VCL: variants seen among roughly 807,000 people sequenced by gnomAD.
VCL encodes vinculin, also known as epididymis luminal protein 114.
Under a neutral mutation model 125.7 loss-of-function variants are expected in VCL, and 47 were observed. The ratio of observed to expected loss-of-function variants is 0.37; its 90% confidence interval spans 0.30 to 0.48. The LOEUF is 0.48. Ranked by LOEUF, VCL falls within the 20% of genes least tolerant of loss-of-function variation. The pLI, the probability that VCL is intolerant of heterozygous loss-of-function variation, is 0.99. For missense variants in VCL, 1,069 were observed against 1,455.5 expected, an observed-to-expected ratio of 0.73 and a Z score of 4.32; for synonymous variants, 458 against 514.6, an observed-to-expected ratio of 0.89 and a Z score of 1.49.
At chr10:74,084,119 C>T (rs1839727685) in intron 8 of VCL, among the ~76,000 whole-genome samples, 1 of 152,154 alleles carries the variant, frequency 6.6e-6, no homozygotes, top group Admixed American at 6.5e-5. Context: ...CCCTCCTTGG[C>T]CTCCCAAAGT....
intron 1 of VCL, among the ~76,000 whole-genome samples, chr10:74,041,436 A>C (rs1450158467): frequency 2.0e-5 from 3 of 152,216 alleles, no homozygotes; most frequent in Non-Finnish European, 4.4e-5. Flanking sequence ...TTTTGAAGAA[A>C]GTGAATATGT....
chr10:74,054,892 G>T (rs1479372161), intron 2 of VCL, among the ~76,000 whole-genome samples: 1 of 152,016 alleles, frequency 6.6e-6, no homozygotes, highest in Non-Finnish European at 1.5e-5. Flanking sequence ...TTGCACTTCA[G>T]CCTGGGTGAC....
chr10:74,094,390 T>C lies in VCL; in HGVS notation c.1472T>C (p.Val491Ala), dbSNP rs1839933596. 3.1e-6 allele frequency: 5 copies of C among 1,614,144 alleles called. No homozygotes were observed. The highest frequency in any genetic ancestry group is 4.2e-6 in the Non-Finnish European group (5 of 1,180,014). ...AACAGCAGACCGGCCAAAGCAGCTG[T>C]ACACCTTGAGGGCAAGATTGAGCAA... ...VANSRPAKAA[V>A]HLEGKIEQAQ... is the part of the protein sequence containing the mutation. Residue 491 changes from valine (V) to alanine (A), a missense_variant, in exon 11 of 22, where the codon GTA becomes GCA. Around this residue, in one of 6 missense-constraint regions of VCL, gnomAD observed 760 missense variants for 928.9 expected, o/e 0.82. Transcript: ENST00000211998.
At chr10:74,017,269 G>T (rs1202266717) in intron 1 of VCL, among the ~76,000 whole-genome samples, 1 of 151,346 alleles carries the variant, frequency 6.6e-6, no homozygotes, top group African/African-American at 2.4e-5. Context: ...GGATGGTCTC[G>T]ATCTCCTGAC....
chr10:74,070,687 C>A lies in VCL; in HGVS notation c.257C>A (p.Thr86Asn). 1 of 1,614,110 alleles carries A rather than the reference C, an allele frequency of 6.2e-7. No homozygotes were observed. The highest frequency in any genetic ancestry group is 2.2e-5 in the East Asian group (1 of 44,878). The change falls in exon 3 of 22, where the codon ACC (threonine) becomes AAC (asparagine). Residue 86 changes from threonine to asparagine, a missense_variant. This residue lies in a region of VCL where 96 missense variants were observed against 137.6 expected (regional missense o/e 0.70). Transcript: ENST00000211998. ...CCCTATAGGGTTGAGAATGCTTGCA[C>A]CAAGCTTGTCCAGGCAGCTCAGATG... ...PAFIKVENACTKLVQAAQMLQ... is the reference protein window; with the variant it reads ...PAFIKVENACNKLVQAAQMLQ...
At chr10:74,104,724 G>A (rs943186969) in intron 15 of VCL, among the ~76,000 whole-genome samples, 21 of 152,174 alleles carry the variant, frequency 1.4e-4, no homozygotes, top group Admixed American at 1.1e-3. Context: ...CACAGATAAC[G>A]TGGTGGTGAT....
At chr10:74,032,730 ATT>A (rs200973994) in intron 1 of VCL, among the ~76,000 whole-genome samples, 9,433 of 148,338 alleles carry the variant, frequency 0.064, 1,031 homozygotes, top group African/African-American at 0.22. Flanking sequence ...ATATATATAT[ATT>A]GGCAAGGTAT....
chr10:74,008,852 G>T lies in VCL; in HGVS notation c.168+10477G>T, dbSNP rs575427878. The stretch of plus-strand genomic sequence containing the variant: ...TTGGTCAGAATTCTTGATGAGGAAG[G>T]TCCATTCAGTCAGTTCTTGTTGCTC... On this transcript the variant is annotated intron_variant, in intron 1 of 21. Transcript: ENST00000211998. Among the ~76,000 whole-genome samples the T allele has an allele frequency of 2.0e-5, 3 of 152,312 alleles. No homozygotes were observed. In the South Asian group the frequency reaches 6.2e-4, roughly 32 times the overall value.
chr10:74,029,117 A>AT lies in VCL; in HGVS notation c.169-13952dup, dbSNP rs547013797. On this transcript the variant is annotated intron_variant, in intron 1 of 21. Coordinates refer to ENST00000211998, the MANE Select transcript of VCL (RefSeq NM_014000.3). ...TACAGGCGTGCCTCCATACAGAAGA[A>AT]TTTTTTTTTTTTTTGAGATGGAGTC... Among the ~76,000 whole-genome samples, 330 of 137,326 alleles carry AT rather than the reference A, an allele frequency of 2.4e-3. 10 individuals are homozygous for AT. In the South Asian group the frequency reaches 0.033, roughly 14 times the overall value. The allele number at this position is 137,326 out of a possible 152,430, so 90.1% of individuals were successfully genotyped here. A position where few individuals can be genotyped will look rare whatever the true frequency, so the allele number is the denominator to read the frequency against.
In VCL at chr10:74,090,081, T is replaced by C. The variant is rs1839854548; in HGVS notation, c.1235T>C (p.Leu412Ser). 1 of 1,614,190 alleles carries C rather than the reference T, an allele frequency of 6.2e-7. No individual in the cohort carries two copies. Among genetic ancestry groups the C allele is most frequent in the Non-Finnish European group, 8.5e-7 (1 of 1,180,034 alleles). Residue 412 changes from leucine (L) to serine (S), a missense_variant, in exon 10 of 22, where the codon TTG becomes TCG. Around this residue, in one of 6 missense-constraint regions of VCL, gnomAD observed 760 missense variants for 928.9 expected, o/e 0.82. Coordinates refer to ENST00000211998, the MANE Select transcript of VCL (RefSeq NM_014000.3). ...GGAGAAGAGCAGATTCGAGGTGCTT[T>C]GGCTGAAGCTCGGAAAATAGCAGAA... Reference protein sequence around the residue: ...PEGEEQIRGALAEARKIAELC... With the variant: ...PEGEEQIRGASAEARKIAELC...
Position 74,043,117 on chromosome 10 carries a change from A to G in VCL, c.203A>G (p.Gln68Arg). The change falls in exon 2 of 22, where the codon CAG (glutamine) becomes CGG (arginine). Residue 68 changes from glutamine (Q) to arginine (R), a missense_variant. Around this residue, in one of 6 missense-constraint regions of VCL, gnomAD observed 96 missense variants for 137.6 expected, o/e 0.70. Transcript: ENST00000211998. ...GKETVQTTEDQILKRDMPPAF... is the reference protein window; with the variant it reads ...GKETVQTTEDRILKRDMPPAF... The stretch of plus-strand genomic sequence containing the variant: ...GAGACTGTTCAAACCACTGAGGATC[A>G]GATTTTGAAGAGAGATATGCCACCA... 6.2e-7 allele frequency: 1 copy of G among 1,613,518 alleles called. No individual in the cohort carries two copies. The highest frequency in any genetic ancestry group is 8.5e-7 in the Non-Finnish European group (1 of 1,179,708).
Position 74,071,056 on chromosome 10 carries a change from G to A in VCL, c.472G>A (p.Val158Ile), listed in dbSNP as rs371583362. 1 of 1,614,094 alleles carries A rather than the reference G, an allele frequency of 6.2e-7. No homozygotes were observed. Among genetic ancestry groups the A allele is most frequent in the Admixed American group, 1.7e-5 (1 of 60,006 alleles). ...GGTGGTGGAGACTATGGAAGATTTGGTCACTTACACAAAGAATCTTGGGCC... is the reference window on the plus strand; with the variant it reads ...GGTGGTGGAGACTATGGAAGATTTGATCACTTACACAAAGAATCTTGGGCC... ...AEVVETMEDL[V>I]TYTKNLGPGM... Residue 158 changes from valine (V) to isoleucine (I), a missense_variant, in exon 4 of 22, where the codon GTC (valine) becomes ATC (isoleucine). Around this residue, in one of 6 missense-constraint regions of VCL, gnomAD observed 760 missense variants for 928.9 expected, o/e 0.82. Coordinates refer to ENST00000211998, the MANE Select transcript of VCL (RefSeq NM_014000.3). This position sits in a 1 kb window ranked among gnomAD's most constrained non-coding sequence, Gnocchi z 4.1.
intron 1 of VCL, among the ~76,000 whole-genome samples, chr10:74,034,268 A>G (rs953548981): frequency 3.9e-5 from 6 of 152,172 alleles, no homozygotes; most frequent in Admixed American, 2.0e-4. Context: ...AAGGCCCTCC[A>G]TGATGTGGCC....
intron 6 of VCL, chr10:74,076,366 G>T (rs1443614491): frequency 1.3e-5 from 2 of 152,654 alleles, no homozygotes; most frequent in Non-Finnish European, 2.9e-5. Context: ...TATTTGGTGG[G>T]TGCCTTCAGT....
intron 2 of VCL, among the ~76,000 whole-genome samples, chr10:74,045,627 A>G (rs555627299): frequency 6.6e-6 from 1 of 151,718 alleles, no homozygotes; most frequent in East Asian, 1.9e-4. Flanking sequence ...TGTCTCAAAA[A>G]AAAAAAAAAA....
intron 1 of VCL, among the ~76,000 whole-genome samples, chr10:74,028,217 A>G (rs1840809988): frequency 6.6e-6 from 1 of 152,084 alleles, no homozygotes; most frequent in Non-Finnish European, 1.5e-5. Flanking sequence ...CTAGGACTAC[A>G]GGCAAGAGCC....
chr10:74,083,336 A>T, intron 7 of VCL, 30 bp from the exon 8 acceptor site: 1 of 1,612,870 alleles, frequency 6.2e-7, no homozygotes. Context: ...TGTGTCAACA[A>T]TGTAGTTATT....
At chr10:74,044,921 G>A (rs1841168647) in intron 2 of VCL, among the ~76,000 whole-genome samples, 1 of 152,150 alleles carries the variant, frequency 6.6e-6, no homozygotes, top group Non-Finnish European at 1.5e-5. Context: ...GCTCACACCT[G>A]TAATCCCAGC....
intron 1 of VCL, among the ~76,000 whole-genome samples, chr10:74,026,352 C>T (rs1009138618): frequency 6.6e-6 from 1 of 152,080 alleles, no homozygotes; most frequent in Non-Finnish European, 1.5e-5. Context: ...ACTCTTTTAC[C>T]CTCACCAACT....
Sources: gnomAD v4.1 joint callset for allele counts (sites outside exome capture counted in the v4.1 genomes callset) on GRCh38, gnomAD v4.1.1 for gene constraint, gnomAD v4.1.1 regional missense constraint, Gnocchi (gnomAD v3.1) non-coding constraint, MANE v1.5 for transcripts, NCBI Gene and HGNC (gene_info 2026-07-23, HGNC 2026-07-21) for gene names.